Variants in CEP85L observed in about 807,000 individuals in gnomAD.
CEP85L encodes the protein centrosomal protein of 85 kDa-like.
In CEP85L, 60 loss-of-function variants were observed where a neutral mutation model predicts 100.3. The ratio of observed to expected loss-of-function variants is 0.60; its 90% CI spans 0.49 to 0.74. The LOEUF is 0.74. CEP85L is among the 30% of genes least tolerant of loss of function. CEP85L has a pLI of 0.00. For missense variants in CEP85L, 973 were observed against 936.2 expected (o/e 1.04, Z -0.51); for synonymous variants, 319 against 322.7 (o/e 0.99, Z 0.12).
At chr6:118,549,036 T>A (rs192001011) in intron 3 of CEP85L, among the ~76,000 whole-genome samples, 139 of 152,054 alleles carry the variant, frequency 9.1e-4, no homozygotes, top group Non-Finnish European at 1.9e-3. Flanking sequence ...ATAAATTGAG[T>A]TACTGATATT....
chr6:118,672,331 C>T (rs1336760783), intron 1 of CEP85L, among the ~76,000 whole-genome samples: 3 of 152,058 alleles, frequency 2.0e-5, no homozygotes, highest in Non-Finnish European at 4.4e-5. Context: ...AGCCACTGCG[C>T]CAGGCTTGAT....
intron 1 of CEP85L, among the ~76,000 whole-genome samples, chr6:118,645,141 C>T (rs1335741840): frequency 6.6e-6 from 1 of 152,212 alleles, no homozygotes; most frequent in African/African-American, 2.4e-5. Context: ...TCAAACTTCT[C>T]GAACTCATTT....
At chr6:118,613,517 G>A (rs923385705) in intron 2 of CEP85L, among the ~76,000 whole-genome samples, 4 of 152,076 alleles carry the variant, frequency 2.6e-5, no homozygotes, top group Non-Finnish European at 5.9e-5. Flanking sequence ...AGTACTTTGT[G>A]GGGCCAAGGC....
chr6:118,528,209 C>G (rs188458558), intron 3 of CEP85L, among the ~76,000 whole-genome samples: 1 of 143,650 alleles, frequency 7.0e-6, no homozygotes, highest in Non-Finnish European at 1.5e-5. Context: ...CTTTTCTTTT[C>G]TTTTTCTTTT....
intron 3 of CEP85L, among the ~76,000 whole-genome samples, chr6:118,540,731 T>A (rs1041471845): frequency 6.6e-6 from 1 of 151,506 alleles, no homozygotes; most frequent in African/African-American, 2.4e-5. Flanking sequence ...CACTCCAGCC[T>A]GGCAACAGAG....
chr6:118,590,062 C>A (rs567331644), intron 2 of CEP85L, among the ~76,000 whole-genome samples: 1 of 151,678 alleles, frequency 6.6e-6, no homozygotes, highest in African/African-American at 2.4e-5. Flanking sequence ...CACACACACA[C>A]ACACACATAC....
chr6:118,649,471 CA>C, intron 1 of CEP85L, among the ~76,000 whole-genome samples: 1 of 152,098 alleles, frequency 6.6e-6, no homozygotes, highest in Non-Finnish European at 1.5e-5. Context: ...TCCTAGAAAA[CA>C]ATGAAAAATA....
In CEP85L at chr6:118,464,302, A is replaced by C. The variant is rs1039653255; in HGVS notation, c.*1103T>G. ...TACCCTGTAATTCAGATTAAGAACTAATTTCGCCAAGTTCATATCCTGTGA... is the reference window on the plus strand; with the variant it reads ...TACCCTGTAATTCAGATTAAGAACTCATTTCGCCAAGTTCATATCCTGTGA... On this transcript the variant is annotated 3_prime_UTR_variant, in exon 13 of 13. Coordinates refer to ENST00000368491, the MANE Select transcript of CEP85L (RefSeq NM_001042475.3). The C allele has an allele frequency of 6.6e-6, 1 of 152,166 alleles. No individual in the cohort carries two copies. The highest frequency in any genetic ancestry group is 2.4e-5 in the African/African-American group (1 of 41,456). 9.4% of individuals were successfully genotyped at this position (152,166 alleles called of 1,614,324 possible).
chr6:118,528,297 G>GACA (rs1173246954), intron 3 of CEP85L, among the ~76,000 whole-genome samples: 1 of 151,448 alleles, frequency 6.6e-6, no homozygotes, highest in Non-Finnish European at 1.5e-5. Flanking sequence ...AACAGCAACT[G>GACA]ACAACACTAT....
At chr6:118,686,465 C>T (rs1192149374) in intron 1 of CEP85L, among the ~76,000 whole-genome samples, 1 of 152,152 alleles carries the variant, frequency 6.6e-6, no homozygotes, top group Non-Finnish European at 1.5e-5. Context: ...TAAATAGAAT[C>T]ATGCAATGTG....
chr6:118,531,991 C>T (rs1335193864), intron 3 of CEP85L, among the ~76,000 whole-genome samples: 1 of 152,092 alleles, frequency 6.6e-6, no homozygotes, highest in Non-Finnish European at 1.5e-5. Flanking sequence ...CATGGCAATC[C>T]CATTATTGGG....
chr6:118,567,249 G>GTGTGTA (rs1173790079), intron 2 of CEP85L, among the ~76,000 whole-genome samples: 2 of 43,778 alleles, frequency 4.6e-5, no homozygotes, highest in Non-Finnish European at 8.9e-5. Context: ...GTGTGTGTGT[G>GTGTGTA]TATATATATA....
chr6:118,607,834 C>G (rs1772331294), intron 2 of CEP85L, among the ~76,000 whole-genome samples: 1 of 152,046 alleles, frequency 6.6e-6, no homozygotes, highest in Non-Finnish European at 1.5e-5. Flanking sequence ...AAAGATGTTA[C>G]TAGACCCCAC....
chr6:118,545,272 T>C (rs1209833662), intron 3 of CEP85L, among the ~76,000 whole-genome samples: 3 of 152,158 alleles, frequency 2.0e-5, no homozygotes, highest in Admixed American at 6.5e-5. Context: ...GATTACTACA[T>C]ACATCACAGT....
chr6:118,563,546 CT>C (rs1779340118), intron 3 of CEP85L, among the ~76,000 whole-genome samples: 1 of 152,142 alleles, frequency 6.6e-6, no homozygotes, highest in Admixed American at 6.5e-5. Context: ...ATCAGACGGC[CT>C]GGTCCTTATT....
rs1477746672 is a variant in CEP85L, at chr6:118,651,521, T to C, written c.-252A>G. The C allele has an allele frequency of 5.5e-6, 7 of 1,273,428 alleles. No homozygotes were observed. Among genetic ancestry groups the C allele is most frequent in the Non-Finnish European group, 6.9e-6 (7 of 1,010,666 alleles). 78.9% of individuals were successfully genotyped at this position (1,273,428 alleles called of 1,614,324 possible). ...CGCCGGGGAAGCGGCGACTCGGCGGTGACGGCTGCTAGATCCCCGGCTGAG... is the reference window on the plus strand; with the variant it reads ...CGCCGGGGAAGCGGCGACTCGGCGGCGACGGCTGCTAGATCCCCGGCTGAG... On this transcript the variant is annotated 5_prime_UTR_variant, in exon 1 of 13. Coordinates refer to ENST00000368491, the MANE Select transcript of CEP85L (RefSeq NM_001042475.3).
At chr6:118,615,315 T>C (rs1284067214) in intron 2 of CEP85L, among the ~76,000 whole-genome samples, 1 of 152,168 alleles carries the variant, frequency 6.6e-6, no homozygotes, top group Non-Finnish European at 1.5e-5. Context: ...TCTTCCTTTT[T>C]TTAACCAAAT....
chr6:118,483,386 C>A (rs756526957), intron 7 of CEP85L, among the ~76,000 whole-genome samples: 12 of 151,910 alleles, frequency 7.9e-5, no homozygotes, highest in Non-Finnish European at 1.2e-4. Context: ...TTGGTGAATC[C>A]TAGAGACTGT....
rs1445834528 is a variant in CEP85L, at chr6:118,461,833, A to G, written c.*3572T>C. On this transcript the variant is annotated 3_prime_UTR_variant, in exon 13 of 13. Coordinates refer to ENST00000368491, the MANE Select transcript of CEP85L (RefSeq NM_001042475.3). ...GTGAGCATGGTTATGAAAATTGCTT[A>G]TTACCATAATTACATATCTACAATG... 6.6e-6 allele frequency: 1 copy of G among 152,056 alleles called. No homozygotes were observed. The highest frequency in any genetic ancestry group is 1.5e-5 in the Non-Finnish European group (1 of 67,908). The allele number at this position is 152,056 out of a possible 1,614,324, so 9.4% of individuals were successfully genotyped here.
Sources: gnomAD v4.1 joint callset for allele counts (sites outside exome capture counted in the v4.1 genomes callset) on GRCh38, gnomAD v4.1.1 for gene constraint, MANE v1.5 for transcripts, NCBI Gene and HGNC (gene_info 2026-07-23, HGNC 2026-07-21) for gene names.